TECPR2: variants seen among roughly 807,000 people sequenced by gnomAD.
The protein encoded by TECPR2 is tectonin beta-propeller repeat containing 2.
TECPR2 carries 65 observed loss-of-function variants against 138.1 expected under a neutral mutation model. That is an observed-to-expected ratio of 0.47 (90% CI 0.39 to 0.58). The LOEUF is 0.58. Among genes scored for constraint, TECPR2 ranks in the 20% least tolerant of loss-of-function variants. The pLI is 0.00. For synonymous variants in TECPR2, 746 were observed against 749.8 expected, an observed-to-expected ratio of 0.99 and a Z score of 0.08; for missense variants, 1,553 against 1,824.5, an observed-to-expected ratio of 0.85 and a Z score of 2.71.
chr14:102,436,304 T>TTTC (rs1269617178), intron 9 of TECPR2, among the ~76,000 whole-genome samples: 1 of 150,962 alleles, frequency 6.6e-6, no homozygotes, highest in African/African-American at 2.4e-5. Flanking sequence ...CTGGCTTTTT[T>TTTC]TTCTTCTTTC....
At chr14:102,385,565 C>T (rs929350751) in intron 2 of TECPR2, among the ~76,000 whole-genome samples, 2 of 152,126 alleles carry the variant, frequency 1.3e-5, no homozygotes, top group Non-Finnish European at 2.9e-5. Context: ...CAGGCTGTAC[C>T]AGAGATTGAG....
intron 16 of TECPR2, among the ~76,000 whole-genome samples, chr14:102,455,007 C>T (rs118126457): frequency 9.4e-4 from 143 of 152,312 alleles, no homozygotes; most frequent in Non-Finnish European, 1.7e-3. Flanking sequence ...GCTAGCTGGC[C>T]AAAGTGGTGC....
At chr14:102,498,026 C>CAAGCTCCCAGCTCCATCTGTGCCT in intron 19 of TECPR2, 77 bp from the exon 20 acceptor site, 2 of 1,558,282 alleles carry the variant, frequency 1.3e-6, no homozygotes, top group Non-Finnish European at 1.7e-6. Flanking sequence ...GACCTGCGCC[C>CAAGCTCCCAGCTCCATCTGTGCCT]AAGCTCCCAG....
chr14:102,414,344 G>T (rs1235712653), intron 4 of TECPR2, among the ~76,000 whole-genome samples: 2 of 152,196 alleles, frequency 1.3e-5, no homozygotes, highest in Non-Finnish European at 2.9e-5. Flanking sequence ...ATGGTGCACA[G>T]TAAAGAATGT....
intron 9 of TECPR2, among the ~76,000 whole-genome samples, chr14:102,436,097 C>T (rs554134992): frequency 3.7e-4 from 57 of 152,238 alleles, no homozygotes; most frequent in African/African-American, 1.3e-3. Flanking sequence ...TCTCTAAACA[C>T]GAACTATAAA....
chr14:102,421,193 G>T (rs1468456525), intron 5 of TECPR2, among the ~76,000 whole-genome samples: 1 of 152,182 alleles, frequency 6.6e-6, no homozygotes, highest in South Asian at 2.1e-4. Context: ...GGATCGCCAA[G>T]AGAAATTGAT....
chr14:102,444,406 C>A (rs1202477342), intron 12 of TECPR2, among the ~76,000 whole-genome samples: 1 of 151,976 alleles, frequency 6.6e-6, no homozygotes, highest in Non-Finnish European at 1.5e-5. Context: ...CATCATGTTG[C>A]CCAGACTCAT....
intron 13 of TECPR2, among the ~76,000 whole-genome samples, chr14:102,448,512 G>A (rs1397236926): frequency 6.6e-6 from 1 of 152,152 alleles, no homozygotes; most frequent in East Asian, 1.9e-4. Flanking sequence ...TACCCAGGAT[G>A]GTCCTAGTTG....
At chr14:102,431,105 C>G (rs146721202) in intron 7 of TECPR2, among the ~76,000 whole-genome samples, 1 of 144,184 alleles carries the variant, frequency 6.9e-6, no homozygotes, top group Admixed American at 7.1e-5. Context: ...CTCACTGCAA[C>G]CTCCACCTCC....
At chr14:102,492,952 C>T (rs1238419889) in intron 17 of TECPR2, among the ~76,000 whole-genome samples, 2 of 152,192 alleles carry the variant, frequency 1.3e-5, no homozygotes, top group African/African-American at 2.4e-5. Flanking sequence ...AGAGACGTTG[C>T]GAGGTGATGG....
chr14:102,413,080 G>T (rs1567330240), intron 4 of TECPR2, among the ~76,000 whole-genome samples: 1 of 152,122 alleles, frequency 6.6e-6, no homozygotes, highest in Non-Finnish European at 1.5e-5. Flanking sequence ...TAGGCCAAGA[G>T]CCAGAACCTG....
chr14:102,488,370 A>T (rs1891084346), intron 17 of TECPR2, among the ~76,000 whole-genome samples: 3 of 132,176 alleles, frequency 2.3e-5, no homozygotes, highest in African/African-American at 2.9e-5. Flanking sequence ...ACGTAGTTTC[A>T]CTCTTTTTGC....
At chr14:102,428,480 G>T in intron 7 of TECPR2, 98 bp downstream of exon 7, 1 of 1,556,728 alleles carries the variant, frequency 6.4e-7, no homozygotes, top group East Asian at 2.3e-5. Flanking sequence ...TTACCATTGG[G>T]CCAGGCATGG....
At chr14:102,384,198 T>G (rs1030633980) in intron 2 of TECPR2, among the ~76,000 whole-genome samples, 14 of 151,910 alleles carry the variant, frequency 9.2e-5, no homozygotes, top group African/African-American at 3.4e-4. Flanking sequence ...GGATTACGGG[T>G]GTGAGCCACT....
chr14:102,454,013 G>C (rs1206029920), intron 16 of TECPR2, among the ~76,000 whole-genome samples: 2 of 152,066 alleles, frequency 1.3e-5, no homozygotes, highest in Non-Finnish European at 2.9e-5. Flanking sequence ...CCTGGGTGTG[G>C]TGGCACATGC....
rs956091539 is a variant in TECPR2 at position 102,420,623 on chromosome 14, C to T, written c.639-4356C>T. ...GAGTAACTAGGACTACAGGCACGCA[C>T]CACCATGCCTGGCTAAATTTTTTAA... On this transcript the variant is annotated intron_variant, in intron 5 of 19. Transcript: ENST00000359520. The surrounding 1 kb of genome is among the most constrained non-coding windows in gnomAD (Gnocchi z 4.1). Among the ~76,000 whole-genome samples, 8 of 152,182 alleles carry T rather than the reference C, an allele frequency of 5.3e-5. No individual in the cohort carries two copies. Among genetic ancestry groups the T allele is most frequent in the African/African-American group, 1.9e-4 (8 of 41,444 alleles).
At chr14:102,470,640 T>A (rs1595142139) in intron 17 of TECPR2, among the ~76,000 whole-genome samples, 1 of 134,142 alleles carries the variant, frequency 7.5e-6, no homozygotes, top group East Asian at 2.1e-4. Flanking sequence ...CTTCTTCTTC[T>A]TTTTTTTTTT....
intron 11 of TECPR2, among the ~76,000 whole-genome samples, chr14:102,442,543 T>G (rs774956165): frequency 6.6e-6 from 1 of 152,226 alleles, no homozygotes; most frequent in Non-Finnish European, 1.5e-5. Flanking sequence ...GAGGTGCTTC[T>G]GGCCTGGGGG....
intron 16 of TECPR2, among the ~76,000 whole-genome samples, chr14:102,457,236 A>C (rs1055003503): frequency 3.3e-5 from 5 of 151,968 alleles, no homozygotes; most frequent in African/African-American, 1.2e-4. Flanking sequence ...AGGCATCCAC[A>C]GCCATGCCCG....
Sources: gnomAD v4.1 joint callset for allele counts (sites outside exome capture counted in the v4.1 genomes callset) on GRCh38, gnomAD v4.1.1 for gene constraint, Gnocchi (gnomAD v3.1) non-coding constraint, MANE v1.5 for transcripts, NCBI Gene and HGNC (gene_info 2026-07-23, HGNC 2026-07-21) for gene names.